The following ZNF518A variants were observed in gnomAD, a reference collection of about 807,000 sequenced individuals.
ZNF518A encodes the protein zinc finger protein 518A.
ZNF518A carries 47 observed loss-of-function variants against 102.7 expected under a neutral mutation model. The ratio of observed to expected loss-of-function variants is 0.46; its 90% CI spans 0.36 to 0.58. The LOEUF is 0.58. Among genes scored for constraint, ZNF518A ranks in the 20% least tolerant of loss-of-function variants. ZNF518A has a pLI of 0.00. For synonymous variants in ZNF518A, 652 were observed against 594.6 expected (o/e 1.10, Z -1.40); for missense variants, 1,793 against 1,699.8 (o/e 1.05, Z -0.96).
Position 96,159,658 on chromosome 10 carries a change from A to G in ZNF518A, c.3336A>G (p.Pro1112=). 1.9e-6 allele frequency: 3 copies of G among 1,613,678 alleles called. No homozygotes were observed. The highest frequency in any genetic ancestry group is 2.5e-6 in the Non-Finnish European group (3 of 1,179,778). The change falls in exon 6 of 6, where the codon CCA becomes CCG. Residue 1112 remains proline, a synonymous_variant. Transcript: ENST00000316045. The part of the protein sequence containing the change: ...KQAVFLKCVM[P]NKTELLKPKL... ...CTGTTTTTTTAAAGTGTGTGATGCC[A>G]AATAAAACTGAGCTGCTTAAGCCCA...
At chr10:96,175,869 C>CCCTG (rs1327773126) in intron 1 of ZNF518A, among the ~76,000 whole-genome samples, 2 of 51,652 alleles carry the variant, frequency 3.9e-5, no homozygotes, top group Non-Finnish European at 1.1e-4. Context: ...CTCCCTGCCT[C>CCCTG]CCTCCCTCCC....
In ZNF518A at chr10:96,200,199, A is replaced by G; in HGVS notation, n.36-3375A>G. ...CACTGGTCAGCATGGGATGGTCCCT[A>G]CTTAACTCTAATTTCTGTGTACTAG... On this transcript the variant is annotated intron_variant and non_coding_transcript_variant, in intron 1 of 2. Coordinates refer to the ZNF518A transcript ENST00000442635. The surrounding 1 kb of genome is among the most constrained non-coding windows in gnomAD (Gnocchi z 4.3). 6.5e-7 allele frequency: 1 copy of G among 1,549,756 alleles called. No homozygotes were observed. Among genetic ancestry groups the G allele is most frequent in the Non-Finnish European group, 8.9e-7 (1 of 1,122,438 alleles).
At chr10:96,182,243 GT>G (rs1227835880) in intron 1 of ZNF518A, among the ~76,000 whole-genome samples, 2 of 152,160 alleles carry the variant, frequency 1.3e-5, no homozygotes, top group African/African-American at 4.8e-5. Context: ...ATACAACGGG[GT>G]TTTCTAGATA....
At chr10:96,132,888 A>T (rs782572255) in intron 2 of ZNF518A, 1 of 152,152 alleles carries the variant, frequency 6.6e-6, no homozygotes, top group Non-Finnish European at 1.5e-5. Context: ...CAACTGGTAT[A>T]ATGCAAATAC....
In ZNF518A at chr10:96,130,326, C is replaced by T. The variant is rs1388951309; in HGVS notation, c.-879C>T. 2.0e-5 allele frequency among the ~76,000 whole-genome samples: 3 copies of T among 152,210 alleles called. No individual in the cohort carries two copies. The highest frequency in any genetic ancestry group is 7.2e-5 in the African/African-American group (3 of 41,460). On this transcript the variant is annotated 5_prime_UTR_variant, in exon 1 of 6. Transcript: ENST00000316045. ...TGCCGCAAAGTTTTTCTGGAGAAGT[C>T]GGGGTTTTTTTGCCGAGCGCTTTTG...
At position 96,160,761 on chromosome 10, in the gene ZNF518A, A is replaced by G. The variant is rs1554887592; in HGVS notation, c.4439A>G (p.Asn1480Ser). The G allele has an allele frequency of 6.3e-7, 1 of 1,580,568 alleles. No homozygotes were observed. The highest frequency in any genetic ancestry group is 1.2e-5 in the South Asian group (1 of 84,286). The part of the protein sequence containing the change: ...RHLMEATRDW[N>S]MLE The stretch of plus-strand genomic sequence containing the variant: ...TTAATGGAAGCTACTCGGGATTGGA[A>G]CATGTTAGAATAGTTTACCATAATT... Residue 1480 changes from asparagine (N) to serine (S), a missense_variant, in exon 6 of 6, where the codon AAC (asparagine) becomes AGC (serine). Coordinates refer to ENST00000316045, the MANE Select transcript of ZNF518A (RefSeq NM_001330736.2).
chr10:96,166,013 G>T (rs1380765849), downstream of ZNF518A, among the ~76,000 whole-genome samples: 2 of 152,100 alleles, frequency 1.3e-5, no homozygotes, highest in Admixed American at 6.6e-5. Context: ...GAGAACCAAG[G>T]GGCCACGGGT....
chr10:96,156,905 A>G lies in ZNF518A; in HGVS notation c.583A>G (p.Lys195Glu). 1 of 1,613,860 alleles carries G rather than the reference A, an allele frequency of 6.2e-7. No homozygotes were observed. Among genetic ancestry groups the G allele is most frequent in the East Asian group, 2.2e-5 (1 of 44,874 alleles). The change falls in exon 6 of 6, where the codon AAG (lysine) becomes GAG (glutamate). Residue 195 changes from lysine (K) to glutamate (E), a missense_variant. Physicochemically the swap from Lys to Glu is moderately conservative, Grantham distance 56 (BLOSUM62 1). Transcript: ENST00000316045. ...TGTATATACTTTACTGAACTTGACA[A>G]AGCATTTCACATCCACACATTGTGT... ...ESVYTLLNLT[K>E]HFTSTHCVNG... is the part of the protein sequence containing the mutation.
At chr10:96,141,935 T>G (rs1313534235) in intron 3 of ZNF518A, among the ~76,000 whole-genome samples, 6 of 152,074 alleles carry the variant, frequency 3.9e-5, no homozygotes, top group African/African-American at 1.4e-4. Context: ...AGAGATGAGG[T>G]CTCACTATAT....
In ZNF518A at chr10:96,159,299, G is replaced by T; in HGVS notation, c.2977G>T (p.Val993Phe). 1 of 1,613,378 alleles carries T rather than the reference G, an allele frequency of 6.2e-7. No individual in the cohort carries two copies. The highest frequency in any genetic ancestry group is 8.5e-7 in the Non-Finnish European group (1 of 1,179,630). ...TGGGAAACTTGAAGGTGTTTCCGCT[G>T]TCAAAACCGAGGGTGCCCCAGCTCG... ...NNGKLEGVSAVKTEGAPARGT... is the reference protein window; with the variant it reads ...NNGKLEGVSAFKTEGAPARGT... Residue 993 changes from valine (V) to phenylalanine (F), a missense_variant, in exon 6 of 6, where the codon GTC (valine) becomes TTC (phenylalanine). Around this residue, in one of 3 missense-constraint regions of ZNF518A, gnomAD observed 1,741 missense variants for 1,622.6 expected, o/e 1.07. Transcript: ENST00000316045.
chr10:96,130,081 C>T (rs886151464), upstream of ZNF518A: 4 of 152,742 alleles, frequency 2.6e-5, no homozygotes, highest in Admixed American at 1.3e-4. Flanking sequence ...GTGTAATGGC[C>T]GCCATCAGGG....
At chr10:96,129,872 C>T (rs587721689), upstream of ZNF518A, 1 of 152,662 alleles carries the variant, frequency 6.6e-6, no homozygotes, top group African/African-American at 2.4e-5. Flanking sequence ...GGTCACTGGA[C>T]TGGTGGGCGC....
intron 4 of ZNF518A, 137 bp downstream of exon 4, chr10:96,155,513 A>G (rs2082656274): frequency 6.6e-6 from 1 of 152,220 alleles, no homozygotes; most frequent in African/African-American, 2.4e-5. Context: ...CAGAAAGGTA[A>G]TGAGTAGATG....
chr10:96,164,932 T>C (rs1401649832), downstream of ZNF518A, among the ~76,000 whole-genome samples: 4 of 152,210 alleles, frequency 2.6e-5, no homozygotes, highest in African/African-American at 9.6e-5. Context: ...CCTGCGATCA[T>C]CAATTACATC....
At chr10:96,183,629 T>G (rs587743103) in intron 1 of ZNF518A, among the ~76,000 whole-genome samples, 4 of 152,296 alleles carry the variant, frequency 2.6e-5, no homozygotes, top group Admixed American at 6.5e-5. Flanking sequence ...CGGTTTTGAG[T>G]GAGTTTCTTA....
intron 1 of ZNF518A, among the ~76,000 whole-genome samples, chr10:96,195,059 G>A (rs2083431174): frequency 6.6e-6 from 1 of 151,982 alleles, no homozygotes; most frequent in African/African-American, 2.4e-5. Context: ...GTGAGCCACC[G>A]CGCCCGGCCA....
chr10:96,160,728 A>C lies in ZNF518A; in HGVS notation c.4406A>C (p.Gln1469Pro). The change falls in exon 6 of 6, where the codon CAG (glutamine) becomes CCG (proline). Residue 1469 changes from glutamine to proline, a missense_variant. Around this residue, in one of 3 missense-constraint regions of ZNF518A, gnomAD observed 30 missense variants for 61.1 expected, o/e 0.49. Coordinates refer to ENST00000316045, the MANE Select transcript of ZNF518A (RefSeq NM_001330736.2). ...CAGGATACTTGGGCTGGTCATGGGCAGAGACATTTAATGGAAGCTACTCGG... is the reference window on the plus strand; with the variant it reads ...CAGGATACTTGGGCTGGTCATGGGCCGAGACATTTAATGGAAGCTACTCGG... ...DNQDTWAGHGQRHLMEATRDW... is the reference protein window; with the variant it reads ...DNQDTWAGHGPRHLMEATRDW... The C allele has an allele frequency of 6.2e-7, 1 of 1,604,586 alleles. No individual in the cohort carries two copies. Among genetic ancestry groups the C allele is most frequent in the Non-Finnish European group, 8.5e-7 (1 of 1,176,852 alleles).
chr10:96,139,409 A>G (rs1277552620), intron 3 of ZNF518A, among the ~76,000 whole-genome samples: 2 of 152,128 alleles, frequency 1.3e-5, no homozygotes, highest in Non-Finnish European at 2.9e-5. Flanking sequence ...CAGAGTCCTT[A>G]TGAATGGAAT....
At chr10:96,173,970 A>G (rs1283876867) in intron 1 of ZNF518A, among the ~76,000 whole-genome samples, 4 of 152,314 alleles carry the variant, frequency 2.6e-5, no homozygotes, top group East Asian at 1.9e-4. Flanking sequence ...TTGAAAATTC[A>G]TAAATATATG....
Sources: gnomAD v4.1 joint callset for allele counts (sites outside exome capture counted in the v4.1 genomes callset) on GRCh38, gnomAD v4.1.1 for gene constraint, gnomAD v4.1.1 regional missense constraint, Gnocchi (gnomAD v3.1) non-coding constraint, MANE v1.5 for transcripts, NCBI Gene and HGNC (gene_info 2026-07-23, HGNC 2026-07-21) for gene names.